The following FER1L5 variants were observed in gnomAD, a reference collection of about 807,000 sequenced individuals.
FER1L5 encodes fer-1-like protein 5.
In FER1L5, 187 loss-of-function variants were observed where a neutral mutation model predicts 279.9. That is an observed-to-expected ratio of 0.67 (90% confidence interval 0.59 to 0.75). The LOEUF is 0.75. FER1L5 is among the 30% of genes least tolerant of loss of function. FER1L5 has a pLI of 0.00. For synonymous variants in FER1L5, 921 were observed against 989.7 expected (o/e 0.93, Z 1.30); for missense variants, 2,091 against 2,594.4 (o/e 0.81, Z 4.21).
At chr2:96,697,502 C>T (rs944563697) in intron 37 of FER1L5, 24 bp from the exon 38 acceptor site, 3 of 1,610,860 alleles carry the variant, frequency 1.9e-6, no homozygotes, top group Non-Finnish European at 2.5e-6. Flanking sequence ...ATGGCTTTCC[C>T]TTGCTCACCC....
chr2:96,664,507 T>C (rs535499680), intron 14 of FER1L5, among the ~76,000 whole-genome samples: 1 of 152,390 alleles, frequency 6.6e-6, no homozygotes, highest in Admixed American at 6.5e-5. Flanking sequence ...ATTCATGCCA[T>C]TGCTGTGTAT....
chr2:96,668,375 T>A (rs1404593664), intron 14 of FER1L5, among the ~76,000 whole-genome samples: 3 of 150,396 alleles, frequency 2.0e-5, no homozygotes, highest in Admixed American at 6.6e-5. Flanking sequence ...AAAAAAAAAA[T>A]TGTTTTTAAT....
At position 96,647,143 on chromosome 2, in the gene FER1L5, AAAAG is replaced by A; in HGVS notation, c.227_230del (p.Glu76AspfsTer14). 1 of 1,551,676 alleles carries A rather than the reference AAAAG, an allele frequency of 6.4e-7. No homozygotes were observed. ...GTCACCCTTCAGGACATGGGCTCAC[AAAAG>A]AAAGAAAGGTGAGGCAGAGAGAGGC... On this transcript the variant is annotated frameshift_variant, in exon 3 of 53. Transcript: ENST00000624922. LOFTEE classifies it high-confidence loss of function.
intron 9 of FER1L5, among the ~76,000 whole-genome samples, chr2:96,658,853 CT>C (rs1343333258): frequency 6.6e-6 from 1 of 152,014 alleles, no homozygotes. Context: ...GTTTGTTTTC[CT>C]TGGATTGTTT....
intron 19 of FER1L5, among the ~76,000 whole-genome samples, chr2:96,674,901 T>C (rs190269810): frequency 6.6e-6 from 1 of 152,156 alleles, no homozygotes; most frequent in East Asian, 1.9e-4. Context: ...TTAGAAAGGG[T>C]CCCTGTTTGC....
Position 96,692,163 on chromosome 2 carries a change from C to A in FER1L5, c.3274C>A (p.Gln1092Lys). The change falls in exon 31 of 53, where the codon CAG becomes AAG. Residue 1092 changes from glutamine to lysine, a missense_variant. By Grantham distance (53) the Gln-to-Lys change is moderately conservative. Coordinates refer to ENST00000624922, the MANE Select transcript of FER1L5 (RefSeq NM_001293083.2). ...CCAGGCCCGGAACCTGGTGTCCAAT[C>A]AGATCCTGACATTCCAAGGTAGGTG... is the stretch of plus-strand genomic sequence containing the variant. ...IYQARNLVSN[Q>K]ILTFQGPFIR... 2 of 1,551,714 alleles carry A rather than the reference C, an allele frequency of 1.3e-6. No homozygotes were observed. Among genetic ancestry groups the A allele is most frequent in the Non-Finnish European group, 1.7e-6 (2 of 1,146,992 alleles).
intron 23 of FER1L5, among the ~76,000 whole-genome samples, chr2:96,686,813 G>A (rs185240999): frequency 7.6e-5 from 11 of 143,968 alleles, no homozygotes; most frequent in South Asian, 6.6e-4. Flanking sequence ...AGCTGAGATC[G>A]TGACACTGTT....
chr2:96,687,928 C>T lies in FER1L5; in HGVS notation c.2342C>T (p.Thr781Ile). Residue 781 changes from threonine (T) to isoleucine (I), a missense_variant, in exon 24 of 53, where the codon ACA becomes ATA. Physicochemically the swap from Thr to Ile is moderately conservative, Grantham distance 89. Transcript: ENST00000624922. ...KDLQLLRQGD[T>I]AVYAEMYENQ... ...CTGCAGCTGCTCCGCCAGGGTGACA[C>T]AGCGGTGTACGCCGAGATGGTGAGT... 6.4e-7 allele frequency: 1 copy of T among 1,551,030 alleles called. No homozygotes were observed. Among genetic ancestry groups the T allele is most frequent in the South Asian group, 1.2e-5 (1 of 84,048 alleles).
At chr2:96,677,057 G>C (rs1166391722) in intron 19 of FER1L5, among the ~76,000 whole-genome samples, 1 of 152,174 alleles carries the variant, frequency 6.6e-6, no homozygotes, top group East Asian at 1.9e-4. Flanking sequence ...GGCCAGGCTG[G>C]TCTCGAACTC....
chr2:96,663,435 C>T lies in FER1L5; in HGVS notation c.1072-4C>T. On this transcript the variant is annotated splice_region_variant and splice_polypyrimidine_tract_variant and intron_variant, in intron 13 of 52. Coordinates refer to ENST00000624922, the MANE Select transcript of FER1L5 (RefSeq NM_001293083.2). ...GGCACCAACACTGCTTTGGGACATT[C>T]CAGCTCAGGACACACATGCAGACCC... 6.4e-7 allele frequency: 1 copy of T among 1,551,556 alleles called. No homozygotes were observed. The highest frequency in any genetic ancestry group is 8.7e-7 in the Non-Finnish European group (1 of 1,146,910).
chr2:96,659,435 T>C (rs1392832616), intron 9 of FER1L5, among the ~76,000 whole-genome samples: 5 of 22,178 alleles, frequency 2.3e-4, no homozygotes, highest in South Asian at 4.4e-3. Flanking sequence ...CTTTCTTTCT[T>C]TCTTTCTTTC....
chr2:96,686,459 AC>A, intron 23 of FER1L5, 109 bp downstream of exon 23: 2 of 1,265,760 alleles, frequency 1.6e-6, no homozygotes, highest in East Asian at 2.6e-5. Flanking sequence ...TGGTCCCTTA[AC>A]CACATGGAAT....
chr2:96,689,653 GGACATA>G lies in FER1L5; in HGVS notation c.2541_2546del (p.Asp848_Ile849del). The G allele has an allele frequency of 6.4e-7, 1 of 1,551,126 alleles. No individual in the cohort carries two copies. The highest frequency in any genetic ancestry group is 8.7e-7 in the Non-Finnish European group (1 of 1,146,868). On this transcript the variant is annotated inframe_deletion, in exon 26 of 53. Coordinates refer to ENST00000624922, the MANE Select transcript of FER1L5 (RefSeq NM_001293083.2). This position sits in a 1 kb window ranked among gnomAD's most constrained non-coding sequence, Gnocchi z 4.6. ...GTCTCATTACCCCCAGGCTCCTCCT[GGACATA>G]GACATCAACAAGAGCCAGGTGCTGG... is the stretch of plus-strand genomic sequence containing the variant.
chr2:96,645,299 G>A (rs2106407441), intron 1 of FER1L5, among the ~76,000 whole-genome samples: 1 of 152,318 alleles, frequency 6.6e-6, no homozygotes, highest in South Asian at 2.1e-4. Flanking sequence ...GTAGTTTAGG[G>A]ACTAGCCGCT....
intron 20 of FER1L5, among the ~76,000 whole-genome samples, 193 bp from the exon 21 acceptor site, chr2:96,685,136 T>C (rs2076873971): frequency 6.6e-6 from 1 of 152,042 alleles, no homozygotes; most frequent in Admixed American, 6.6e-5. Flanking sequence ...GTTTCTTCTG[T>C]TGGGAAGCAG....
intron 51 of FER1L5, 44 bp downstream of exon 51, chr2:96,703,676 C>T: frequency 1.3e-6 from 2 of 1,577,842 alleles, no homozygotes; most frequent in South Asian, 1.1e-5. Flanking sequence ...TCTTGCTCCT[C>T]AGTGTGTATG....
chr2:96,652,119 G>T (rs1664193624), intron 7 of FER1L5, 99 bp downstream of exon 7: 1 of 1,496,668 alleles, frequency 6.7e-7, no homozygotes. Context: ...GTGTCTTCAT[G>T]TGTTTGTTCC....
chr2:96,651,295 CTTTCTTCT>C (rs1234379192), intron 6 of FER1L5, among the ~76,000 whole-genome samples: 1 of 134,488 alleles, frequency 7.4e-6, no homozygotes, highest in Non-Finnish European at 1.6e-5. Flanking sequence ...TTCTTTCTTT[CTTTCTTCT>C]TTCCTTCCTT....
At chr2:96,695,357 G>A (rs377577325) in intron 34 of FER1L5, 152 bp from the exon 35 acceptor site, 11 of 1,000,418 alleles carry the variant, frequency 1.1e-5, no homozygotes, top group African/African-American at 1.6e-5. Context: ...GTCCTTGTGC[G>A]CCTTCAGACA....
Sources: allele counts gnomAD v4.1 joint callset (sites outside exome capture counted in the v4.1 genomes callset), GRCh38; gene constraint gnomAD v4.1.1; non-coding constraint Gnocchi (gnomAD v3.1); transcripts MANE v1.5; gene names NCBI Gene and HGNC (gene_info 2026-07-23, HGNC 2026-07-21).